Variants in SH2D4A observed in about 807,000 individuals in gnomAD.
The protein encoded by SH2D4A is SH2 domain containing 4A, also known as SH2 domain-containing protein 4A.
A neutral mutation model predicts 64.7 loss-of-function variants in SH2D4A; 70 were observed. The ratio of observed to expected loss-of-function variants is 1.08; its 90% CI spans 0.89 to 1.32. SH2D4A has a LOEUF of 1.32. SH2D4A is among the 40% of genes most tolerant of loss of function. SH2D4A has a pLI of 0.00. For synonymous variants in SH2D4A, 268 were observed against 200.7 expected (o/e 1.34, Z -2.83); for missense variants, 706 against 540.1 (o/e 1.31, Z -3.04).
At chr8:19,391,476 T>G (rs2053491832) in intron 8 of SH2D4A, among the ~76,000 whole-genome samples, 1 of 151,824 alleles carries the variant, frequency 6.6e-6, no homozygotes, top group East Asian at 1.9e-4. Flanking sequence ...TGGGAATGAG[T>G]GTAATAGAGC....
At chr8:19,371,154 T>C (rs2053088687) in intron 7 of SH2D4A, among the ~76,000 whole-genome samples, 1 of 152,172 alleles carries the variant, frequency 6.6e-6, no homozygotes. Flanking sequence ...ATTAAAGATA[T>C]AAGTGGTTTA....
chr8:19,393,807 A>T (rs1272171840), intron 9 of SH2D4A, among the ~76,000 whole-genome samples: 2 of 152,202 alleles, frequency 1.3e-5, no homozygotes, highest in Non-Finnish European at 2.9e-5. Context: ...TAAAAGCTGT[A>T]CCCACATGGA....
chr8:19,333,020 G>A lies in SH2D4A; in HGVS notation c.247G>A (p.Glu83Lys), dbSNP rs368534183. The A allele has an allele frequency of 1.1e-4, 177 of 1,614,018 alleles. No homozygotes were observed. The highest frequency in any genetic ancestry group is 1.3e-4 in the Non-Finnish European group (154 of 1,179,978). ...GGAAGTCTGGGTATGGGTGATGGGC[G>A]AACACCATCTAGATAAACCCTATGA... is the stretch of plus-strand genomic sequence containing the variant. ...DKEVWVWVMG[E>K]HHLDKPYDVL... The change falls in exon 3 of 10, where the codon GAA becomes AAA. Residue 83 changes from glutamate to lysine, a missense_variant. Transcript: ENST00000265807.
intron 4 of SH2D4A, among the ~76,000 whole-genome samples, chr8:19,348,557 A>G (rs546750249): frequency 6.6e-6 from 1 of 152,326 alleles, no homozygotes; most frequent in African/African-American, 2.4e-5. Context: ...CGGAACGATC[A>G]GTTCTGTAAA....
chr8:19,314,129 A>G, intron 1 of SH2D4A: 1 of 1,111,320 alleles, frequency 9.0e-7, no homozygotes, highest in Non-Finnish European at 1.1e-6. Context: ...TGGCGGGGGA[A>G]CTTCGAGGGA....
intron 5 of SH2D4A, among the ~76,000 whole-genome samples, chr8:19,358,717 A>G (rs10104268): frequency 0.26 from 39,959 of 151,860 alleles, 6,428 homozygotes; most frequent in African/African-American, 0.46. Context: ...TCCTTTGGGG[A>G]CACTTGTGAG....
At chr8:19,357,416 C>G in intron 5 of SH2D4A, 133 bp downstream of exon 5, 2 of 713,602 alleles carry the variant, frequency 2.8e-6, no homozygotes, top group South Asian at 3.5e-5. Context: ...CTAAAAGCTG[C>G]AAACACAGTT....
intron 8 of SH2D4A, among the ~76,000 whole-genome samples, chr8:19,392,877 G>A (rs1025648828): frequency 1.1e-4 from 17 of 151,998 alleles, no homozygotes; most frequent in African/African-American, 3.9e-4. Context: ...GAGTAGCTGG[G>A]ACTACAGGTG....
Position 19,313,694 on chromosome 8 carries a change from T to C in SH2D4A, c.-334T>C. On this transcript the variant is annotated 5_prime_UTR_variant, in exon 1 of 10. Coordinates refer to ENST00000265807, the MANE Select transcript of SH2D4A (RefSeq NM_022071.4). ...GAGCTGTTTTGCGTCCGGGCCGGAG[T>C]ATTTGCTCAGCCCGCCTGCGCCGCT... 5 of 1,361,940 alleles carry C rather than the reference T, an allele frequency of 3.7e-6. No homozygotes were observed. Among genetic ancestry groups the C allele is most frequent in the Admixed American group, 2.3e-5 (1 of 43,996 alleles). The allele number at this position is 1,361,940 out of a possible 1,614,324, so 84.4% of individuals were successfully genotyped here.
Position 19,393,536 on chromosome 8 carries a change from C to G in SH2D4A, c.1267C>G (p.His423Asp), listed in dbSNP as rs374658136. ...HATLADLVEY[H>D]KEEPITSLGK... is the part of the protein sequence containing the mutation. ...CACCTTGGCGGATTTGGTGGAATAT[C>G]ACAAGGTGAAGCAATGCATAAACTT... Residue 423 changes from histidine to aspartate, a missense_variant, in exon 9 of 10, where the codon CAC becomes GAC. Coordinates refer to ENST00000265807, the MANE Select transcript of SH2D4A (RefSeq NM_022071.4). 3 of 1,613,964 alleles carry G rather than the reference C, an allele frequency of 1.9e-6. No homozygotes were observed. Among genetic ancestry groups the G allele is most frequent in the Non-Finnish European group, 2.5e-6 (3 of 1,180,040 alleles).
intron 1 of SH2D4A, among the ~76,000 whole-genome samples, chr8:19,317,962 C>T (rs911174223): frequency 3.3e-5 from 5 of 151,796 alleles, no homozygotes; most frequent in African/African-American, 9.7e-5. Context: ...AGTGTAGTGG[C>T]GCGATCTCGG....
intron 4 of SH2D4A, among the ~76,000 whole-genome samples, chr8:19,339,495 C>CTTTTTTTTTTTTTTTTTTTTT (rs5889867): frequency 7.8e-6 from 1 of 129,026 alleles, no homozygotes; most frequent in African/African-American, 3.0e-5. Flanking sequence ...TATAAACTTT[C>CTTTTTTTTTTTTTTTTTTTTT]TTTTTTTTTT....
At chr8:19,360,295 G>GT (rs573228137) in intron 5 of SH2D4A, among the ~76,000 whole-genome samples, 6,789 of 135,002 alleles carry the variant, frequency 0.05, 203 homozygotes, top group South Asian at 0.11. Context: ...ATATTTTTCT[G>GT]TTTTTTTTTT....
rs1375498460 is a variant in SH2D4A, at chr8:19,395,182, A to G, written c.*540A>G. 6.6e-6 allele frequency: 1 copy of G among 152,240 alleles called. No homozygotes were observed. The highest frequency in any genetic ancestry group is 1.9e-4 in the East Asian group (1 of 5,194). The allele number at this position is 152,240 out of a possible 1,614,324, so 9.4% of individuals were successfully genotyped here. ...ATAGAAAAACAGAAGTCATGAATGT[A>G]AATTGAATGAGAGGCTTAACATGCA... On this transcript the variant is annotated 3_prime_UTR_variant, in exon 10 of 10. Transcript: ENST00000265807.
At chr8:19,357,958 C>G (rs1253708820) in intron 5 of SH2D4A, among the ~76,000 whole-genome samples, 2 of 151,900 alleles carry the variant, frequency 1.3e-5, no homozygotes, top group African/African-American at 4.8e-5. Context: ...GAGGTCAGGC[C>G]AGGGACCTGT....
At position 19,342,613 on chromosome 8, in the gene SH2D4A, G is replaced by T. The variant is rs191918004; in HGVS notation, c.513+7756G>T. On this transcript the variant is annotated intron_variant, in intron 4 of 9. Transcript: ENST00000265807. ...AAACAGGTATTTTTATTCCTGTTCC[G>T]AGTGGGGGGATCCTGTTCCGAGGGC... Among the ~76,000 whole-genome samples the T allele has an allele frequency of 4.6e-5, 7 of 152,160 alleles. 1 individual carries two copies. The highest frequency in any genetic ancestry group is 7.3e-5 in the Non-Finnish European group (5 of 68,040).
intron 7 of SH2D4A, among the ~76,000 whole-genome samples, chr8:19,368,010 T>A (rs2053028870): frequency 6.6e-6 from 1 of 152,148 alleles, no homozygotes; most frequent in Non-Finnish European, 1.5e-5. Flanking sequence ...TATATTCAAG[T>A]CTTTAATCCA....
intron 8 of SH2D4A, among the ~76,000 whole-genome samples, chr8:19,383,393 G>GTTT (rs1243294785): frequency 2.0e-4 from 28 of 141,680 alleles, no homozygotes; most frequent in African/African-American, 7.2e-4. Flanking sequence ...TTTGTTCTTG[G>GTTT]TTTTTTTTTT....
intron 2 of SH2D4A, among the ~76,000 whole-genome samples, chr8:19,323,846 C>A (rs567332466): frequency 6.6e-6 from 1 of 152,290 alleles, no homozygotes; most frequent in South Asian, 2.1e-4. Flanking sequence ...ATAATCACAG[C>A]TAAGCCTGAA....
Sources: allele counts gnomAD v4.1 joint callset (sites outside exome capture counted in the v4.1 genomes callset), GRCh38; gene constraint gnomAD v4.1.1; transcripts MANE v1.5; gene names NCBI Gene and HGNC (gene_info 2026-07-23, HGNC 2026-07-21).